FBXO25: variants seen among roughly 807,000 people sequenced by gnomAD.
The protein encoded by FBXO25 is F-box protein 25.
Under a neutral mutation model 51.9 loss-of-function variants are expected in FBXO25, and 45 were observed. The observed-to-expected ratio is 0.87, with a 90% CI of 0.68 to 1.11. The LOEUF is 1.11. Among genes scored for constraint, FBXO25 ranks in the 50% most tolerant of loss-of-function variants. The pLI is 0.00. For synonymous variants in FBXO25, 199 were observed against 151.0 expected (o/e 1.32, Z -2.33); for missense variants, 507 against 428.5 (o/e 1.18, Z -1.62).
Position 463,097 on chromosome 8 carries a change from C to A in FBXO25, c.934C>A (p.Gln312Lys). Residue 312 changes from glutamine (Q) to lysine (K), a missense_variant, in exon 9 of 10, where the codon CAG becomes AAG. By Grantham distance (53) the Gln-to-Lys change is moderately conservative (BLOSUM62 1). Transcript: ENST00000350302. ...TCAGAAACATTACCCAGCGAAGGAG[C>A]AGTACGGAGACACACTGCATTTCTG... ...ALQKHYPAKE[Q>K]YGDTLHFCRH... The A allele has an allele frequency of 1.9e-6, 3 of 1,613,952 alleles. No homozygotes were observed. The highest frequency in any genetic ancestry group is 2.5e-6 in the Non-Finnish European group (3 of 1,179,972).
At chr8:412,466 G>A (rs1348934135) in intron 1 of FBXO25, among the ~76,000 whole-genome samples, 2 of 152,138 alleles carry the variant, frequency 1.3e-5, no homozygotes, top group Admixed American at 1.3e-4. Flanking sequence ...TCCTCCAGGT[G>A]ACCCTCACCC....
At chr8:455,022 A>G (rs1052145003) in intron 7 of FBXO25, among the ~76,000 whole-genome samples, 3 of 152,142 alleles carry the variant, frequency 2.0e-5, no homozygotes, top group East Asian at 1.9e-4. Context: ...GCTTCCCACT[A>G]TGACTGACTT....
rs189661565 is a variant in FBXO25, at chr8:469,498, C to A, written c.*694C>A. On this transcript the variant is annotated 3_prime_UTR_variant, in exon 10 of 10. Coordinates refer to ENST00000350302, the MANE Select transcript of FBXO25 (RefSeq NM_183420.2). ...TAATCCTGGACTGTGATGGGAACAGCCCAGTGCAGTCTAAACTTCAATTGT... is the reference window on the plus strand; with the variant it reads ...TAATCCTGGACTGTGATGGGAACAGACCAGTGCAGTCTAAACTTCAATTGT... 6.6e-6 allele frequency: 1 copy of A among 152,302 alleles called. No individual in the cohort carries two copies. Among genetic ancestry groups the A allele is most frequent in the East Asian group, 1.9e-4 (1 of 5,172 alleles). 9.4% of individuals were successfully genotyped at this position (152,302 alleles called of 1,614,324 possible).
Position 476,444 on chromosome 8 carries a change from T to G in FBXO25, c.*7640T>G, listed in dbSNP as rs967717269. 3.3e-5 allele frequency: 5 copies of G among 152,324 alleles called. No individual in the cohort carries two copies. Among genetic ancestry groups the G allele is most frequent in the African/African-American group, 7.2e-5 (3 of 41,568 alleles). 9.4% of individuals were successfully genotyped at this position (152,324 alleles called of 1,614,324 possible). On this transcript the variant is annotated 3_prime_UTR_variant, in exon 10 of 10. Coordinates refer to ENST00000350302, the MANE Select transcript of FBXO25 (RefSeq NM_183420.2). ...TTGGAAGAGTTTGAGGAGAATTGAT[T>G]TAATTCTTCAGATGTTTGCCAGAAT...
chr8:441,373 G>A (rs1798415498), intron 5 of FBXO25, among the ~76,000 whole-genome samples: 2 of 152,176 alleles, frequency 1.3e-5, no homozygotes, highest in Admixed American at 6.5e-5. Flanking sequence ...AACTCAAGAT[G>A]GATTAAAGAC....
intron 7 of FBXO25, among the ~76,000 whole-genome samples, chr8:452,068 C>G (rs1479713163): frequency 6.6e-6 from 1 of 152,156 alleles, no homozygotes; most frequent in Non-Finnish European, 1.5e-5. Flanking sequence ...GTGTGCCTTA[C>G]GTAGCCTTGG....
chr8:430,709 A>G (rs1797774447), intron 2 of FBXO25, among the ~76,000 whole-genome samples: 1 of 152,210 alleles, frequency 6.6e-6, no homozygotes, highest in African/African-American at 2.4e-5. Flanking sequence ...TGTTTTTTTA[A>G]AAAGTAAAAG....
chr8:450,734 A>C (rs1292896072), intron 6 of FBXO25: 2 of 152,276 alleles, frequency 1.3e-5, no homozygotes, highest in African/African-American at 4.8e-5. Context: ...CAGTGAAATT[A>C]CATCTTTTTA....
intron 8 of FBXO25, among the ~76,000 whole-genome samples, chr8:459,701 G>C (rs1476559618): frequency 6.6e-6 from 1 of 152,188 alleles, no homozygotes; most frequent in African/African-American, 2.4e-5. Flanking sequence ...CACGGAGTGT[G>C]TCTGAGAGGT....
In FBXO25 at chr8:471,421, A is replaced by C. The variant is rs896477610; in HGVS notation, c.*2617A>C. The C allele has an allele frequency of 6.6e-6, 1 of 152,232 alleles. No individual in the cohort carries two copies. Among genetic ancestry groups the C allele is most frequent in the African/African-American group, 2.4e-5 (1 of 41,466 alleles). The allele number at this position is 152,232 out of a possible 1,614,324, so 9.4% of individuals were successfully genotyped here. On this transcript the variant is annotated 3_prime_UTR_variant, in exon 10 of 10. Coordinates refer to ENST00000350302, the MANE Select transcript of FBXO25 (RefSeq NM_183420.2). ...ACTTTGGAATGGTATTTTTGAATAC[A>C]GTTTCTATCAGGGGGCCTTCCAAAA...
At chr8:412,628 C>T (rs1037766027) in intron 1 of FBXO25, among the ~76,000 whole-genome samples, 1 of 152,222 alleles carries the variant, frequency 6.6e-6, no homozygotes, top group Non-Finnish European at 1.5e-5. Context: ...ACTTCTCCAT[C>T]CTTAATTCTG....
In FBXO25 at chr8:471,945, C is replaced by G. The variant is rs1426165541; in HGVS notation, c.*3141C>G. 6.6e-6 allele frequency: 1 copy of G among 152,212 alleles called. No individual in the cohort carries two copies. Among genetic ancestry groups the G allele is most frequent in the Non-Finnish European group, 1.5e-5 (1 of 68,042 alleles). 9.4% of individuals were successfully genotyped at this position (152,212 alleles called of 1,614,324 possible). On this transcript the variant is annotated 3_prime_UTR_variant, in exon 10 of 10. Coordinates refer to ENST00000350302, the MANE Select transcript of FBXO25 (RefSeq NM_183420.2). ...AGTGCTGCTTTTAGAACCAAACTGTCATATAAGATTTATCAGCTCTTTTAA... is the reference window on the plus strand; with the variant it reads ...AGTGCTGCTTTTAGAACCAAACTGTGATATAAGATTTATCAGCTCTTTTAA...
At chr8:417,648 C>T (rs1796890407) in intron 2 of FBXO25, among the ~76,000 whole-genome samples, 1 of 152,202 alleles carries the variant, frequency 6.6e-6, no homozygotes, top group African/African-American at 2.4e-5. Context: ...CTTTCCCTTT[C>T]CAGTGAGGTG....
chr8:423,701 C>T (rs1236476469), intron 2 of FBXO25, among the ~76,000 whole-genome samples: 2 of 152,154 alleles, frequency 1.3e-5, no homozygotes, highest in East Asian at 1.9e-4. Context: ...CATTGATGGG[C>T]ACCTGGGTTG....
intron 2 of FBXO25, among the ~76,000 whole-genome samples, chr8:415,569 A>G (rs1796744981): frequency 1.3e-5 from 2 of 152,206 alleles, no homozygotes; most frequent in South Asian, 4.1e-4. Context: ...GTTTCAGTAG[A>G]CAGGTGAGAA....
intron 2 of FBXO25, among the ~76,000 whole-genome samples, chr8:427,123 A>T (rs1797537227): frequency 6.6e-6 from 1 of 152,048 alleles, no homozygotes; most frequent in South Asian, 2.1e-4. Context: ...TAAAAAGCTA[A>T]GTTTAGTAGG....
At chr8:467,851 C>G (rs1800280820) in intron 9 of FBXO25, 6 of 1,592,396 alleles carry the variant, frequency 3.8e-6, no homozygotes, top group Non-Finnish European at 5.2e-6. Context: ...GATTCCAGCT[C>G]TCGCTGACTT....
At chr8:442,283 AATT>A (rs1798470958) in intron 5 of FBXO25, among the ~76,000 whole-genome samples, 1 of 122,820 alleles carries the variant, frequency 8.1e-6, no homozygotes, top group South Asian at 2.4e-4. Context: ...AAGTTACTCC[AATT>A]ATTTTTTTTT....
rs114035382 is a variant in FBXO25 at position 476,581 on chromosome 8, T to C, written c.*7777T>C. ...CCATTTCTTCATGATTCAATCTTGA[T>C]AGGCTGTGTGTTTCTAAGAATTTGT... On this transcript the variant is annotated 3_prime_UTR_variant, in exon 10 of 10. Coordinates refer to ENST00000350302, the MANE Select transcript of FBXO25 (RefSeq NM_183420.2). 5.6e-4 allele frequency: 86 copies of C among 152,326 alleles called. 1 individual carries two copies. Among genetic ancestry groups the C allele is most frequent in the African/African-American group, 2.0e-3 (85 of 41,578 alleles). The allele number at this position is 152,326 out of a possible 1,614,324, so 9.4% of individuals were successfully genotyped here.
Sources: gnomAD v4.1 joint callset for allele counts (sites outside exome capture counted in the v4.1 genomes callset) on GRCh38, gnomAD v4.1.1 for gene constraint, MANE v1.5 for transcripts, NCBI Gene and HGNC (gene_info 2026-07-23, HGNC 2026-07-21) for gene names.